The following DCAF8 variants were observed in gnomAD, a reference collection of about 807,000 sequenced individuals.
DCAF8 encodes the protein DDB1 and CUL4 associated factor 8, also known as DDB1- and CUL4-associated factor 8.
DCAF8 carries 20 observed loss-of-function variants against 68.0 expected under a neutral mutation model. The ratio of observed to expected loss-of-function variants is 0.29; its 90% CI spans 0.21 to 0.43. The LOEUF is 0.43. Ranked by LOEUF, DCAF8 falls within the 20% of genes least tolerant of loss-of-function variation. DCAF8 has a pLI of 1.00. For synonymous variants in DCAF8, 230 were observed against 276.9 expected (o/e 0.83, Z 1.68); for missense variants, 460 against 771.0 (o/e 0.60, Z 4.78).
rs1655922441 is a variant in DCAF8, at chr1:160,237,079, G to A, written c.959+56C>T. 7 of 1,234,640 alleles carry A rather than the reference G, an allele frequency of 5.7e-6. No homozygotes were observed. The Middle Eastern group carries it at 7.5e-4, about 133-fold the overall frequency. The allele number at this position is 1,234,640 out of a possible 1,614,324, so 76.5% of individuals were successfully genotyped here. ...GAGTTAGGCATTACCAAGACATATG[G>A]AATATGTTCAAGGCTAAGAGATACA... On this transcript the variant is annotated intron_variant, in intron 6 of 13. Transcript: ENST00000368074.
chr1:160,243,659 C>T (rs1656209427), intron 3 of DCAF8, among the ~76,000 whole-genome samples: 1 of 152,154 alleles, frequency 6.6e-6, no homozygotes, highest in African/African-American at 2.4e-5. Context: ...TTTTATTTTT[C>T]TCCTTTACTA....
chr1:160,228,646 T>C (rs1056679775), intron 7 of DCAF8, among the ~76,000 whole-genome samples: 3 of 151,116 alleles, frequency 2.0e-5, no homozygotes, highest in African/African-American at 7.3e-5. Context: ...AAAAAGCATG[T>C]CTCCCCAGAG....
At chr1:160,256,992 C>T (rs967405990) in intron 2 of DCAF8, among the ~76,000 whole-genome samples, 2 of 152,176 alleles carry the variant, frequency 1.3e-5, no homozygotes, top group Non-Finnish European at 2.9e-5. Flanking sequence ...CTACTCACTC[C>T]AAGAGCAGAA....
chr1:160,254,973 G>A (rs929151625), intron 2 of DCAF8, among the ~76,000 whole-genome samples: 2 of 152,120 alleles, frequency 1.3e-5, no homozygotes, highest in Non-Finnish European at 2.9e-5. Flanking sequence ...TAAAAATAAT[G>A]TATGCTAAGA....
intron 4 of DCAF8, 29 bp downstream of exon 4, chr1:160,239,668 T>C (rs1430007635): frequency 6.2e-7 from 1 of 1,614,108 alleles, no homozygotes; most frequent in East Asian, 2.2e-5. Context: ...CCTGATTCTC[T>C]CAGTTGCTAT....
At position 160,217,514 on chromosome 1, in the gene DCAF8, T is replaced by C; in HGVS notation, c.*78A>G. 1.9e-6 allele frequency: 2 copies of C among 1,059,958 alleles called. No homozygotes were observed. The highest frequency in any genetic ancestry group is 1.4e-5 in the South Asian group (1 of 69,412). The allele number at this position is 1,059,958 out of a possible 1,614,324, so 65.7% of individuals were successfully genotyped here. ...GTCCAAAGTGCGTTTCTGCTGAATGTAGGGCCTGGGACAGGAAAGGGTTGC... is the reference window on the plus strand; with the variant it reads ...GTCCAAAGTGCGTTTCTGCTGAATGCAGGGCCTGGGACAGGAAAGGGTTGC... On this transcript the variant is annotated 3_prime_UTR_variant, in exon 14 of 14. Transcript: ENST00000368074.
At chr1:160,219,265 T>TCGTAAG in intron 11 of DCAF8, 1 of 265,148 alleles carries the variant, frequency 3.8e-6, no homozygotes, top group South Asian at 1.5e-4. Flanking sequence ...ACTGCTGGCT[T>TCGTAAG]CGTAAGAAGA....
intron 5 of DCAF8, among the ~76,000 whole-genome samples, chr1:160,237,619 TG>T (rs1655940855): frequency 6.6e-6 from 1 of 152,098 alleles, no homozygotes; most frequent in South Asian, 2.1e-4. Context: ...CTCAACCTTG[TG>T]GGCTTAAGTG....
intron 2 of DCAF8, among the ~76,000 whole-genome samples, chr1:160,245,477 G>A (rs1656285925): frequency 6.6e-6 from 1 of 152,104 alleles, no homozygotes. Flanking sequence ...ACCCTCTATA[G>A]AAATCTAAGC....
At chr1:160,257,487 C>T (rs1449331244) in intron 2 of DCAF8, among the ~76,000 whole-genome samples, 1 of 152,138 alleles carries the variant, frequency 6.6e-6, no homozygotes, top group Non-Finnish European at 1.5e-5. Flanking sequence ...TTTTAAAAGC[C>T]TATTACTCCC....
chr1:160,257,697 A>C (rs1656893591), intron 2 of DCAF8, among the ~76,000 whole-genome samples: 1 of 152,228 alleles, frequency 6.6e-6, no homozygotes, highest in African/African-American at 2.4e-5. Context: ...CTCCACACTA[A>C]GGACCATGGC....
chr1:160,237,027 G>GCA, intron 6 of DCAF8, 108 bp downstream of exon 6: 1 of 708,114 alleles, frequency 1.4e-6, no homozygotes, highest in South Asian at 2.2e-5. Flanking sequence ...TTAACCATAG[G>GCA]CACAAAGGTA....
At chr1:160,243,341 G>A (rs1656191568) in intron 3 of DCAF8, among the ~76,000 whole-genome samples, 1 of 151,652 alleles carries the variant, frequency 6.6e-6, no homozygotes, top group Non-Finnish European at 1.5e-5. Context: ...GTAAGGAAAG[G>A]AAATAAGGAG....
At chr1:160,253,225 G>A (rs1656669861) in intron 2 of DCAF8, among the ~76,000 whole-genome samples, 1 of 152,192 alleles carries the variant, frequency 6.6e-6, no homozygotes, top group Admixed American at 6.5e-5. Flanking sequence ...GATAGGCTGG[G>A]CGCAGTGACT....
intron 7 of DCAF8, among the ~76,000 whole-genome samples, chr1:160,229,819 C>T (rs1167691342): frequency 1.3e-5 from 2 of 152,178 alleles, no homozygotes; most frequent in East Asian, 1.9e-4. Flanking sequence ...GTCAGGAGTT[C>T]GAGACTAGCC....
intron 7 of DCAF8, among the ~76,000 whole-genome samples, chr1:160,230,933 T>C (rs1378533143): frequency 6.6e-6 from 1 of 152,040 alleles, no homozygotes; most frequent in Non-Finnish European, 1.5e-5. Context: ...TGTATTTTTT[T>C]TTTTAGAGAC....
chr1:160,224,399 G>T, intron 10 of DCAF8, 43 bp downstream of exon 10: 1 of 1,488,684 alleles, frequency 6.7e-7, no homozygotes, highest in Non-Finnish European at 9.4e-7. Context: ...GTTCTCCAAA[G>T]CCAACAGGCT....
intron 7 of DCAF8, among the ~76,000 whole-genome samples, chr1:160,226,028 G>A (rs1655461585): frequency 6.6e-6 from 1 of 152,086 alleles, no homozygotes; most frequent in Non-Finnish European, 1.5e-5. Flanking sequence ...ATTTTTAGTA[G>A]AGACAGAGTT....
rs1316638060 is a variant in DCAF8 at position 160,235,148 on chromosome 1, T to A, written c.959+1987A>T. Among the ~76,000 whole-genome samples, 6 of 152,190 alleles carry A rather than the reference T, an allele frequency of 3.9e-5. No individual in the cohort carries two copies. In the East Asian group the frequency reaches 1.2e-3, roughly 29 times the overall value. On this transcript the variant is annotated intron_variant, in intron 6 of 13. Transcript: ENST00000368074. ...ATCTGTTATAATAATTTTGGTTTTT[T>A]TTTTTGAGACAGTCTTGCTGTGTCA...
Sources: allele counts gnomAD v4.1 joint callset (sites outside exome capture counted in the v4.1 genomes callset), GRCh38; gene constraint gnomAD v4.1.1; transcripts MANE v1.5; gene names NCBI Gene and HGNC (gene_info 2026-07-23, HGNC 2026-07-21).